Variants in LRRTM4 observed in about 807,000 individuals in gnomAD.
LRRTM4 encodes the protein leucine rich repeat transmembrane neuronal 4.
In LRRTM4, 25 loss-of-function variants were observed where a neutral mutation model predicts 47.6. The ratio of observed to expected loss-of-function variants is 0.53; its 90% confidence interval spans 0.38 to 0.73. LRRTM4 has a LOEUF of 0.73. Among genes scored for constraint, LRRTM4 ranks in the 30% least tolerant of loss-of-function variants. LRRTM4 has a pLI of 0.00. For missense variants in LRRTM4, 638 were observed against 713.4 expected (o/e 0.89, Z 1.20); for synonymous variants, 311 against 269.5 (o/e 1.15, Z -1.51).
At chr2:77,239,902 T>A (rs781010274) in intron 3 of LRRTM4, among the ~76,000 whole-genome samples, 1 of 151,884 alleles carries the variant, frequency 6.6e-6, no homozygotes, top group Non-Finnish European at 1.5e-5. Context: ...CATTATTTGT[T>A]ATTCACCTTA....
At chr2:77,050,127 T>C (rs1446373903) in intron 3 of LRRTM4, among the ~76,000 whole-genome samples, 1 of 138,878 alleles carries the variant, frequency 7.2e-6, no homozygotes, top group Non-Finnish European at 1.5e-5. Context: ...TAGAACCAAG[T>C]CTTTTTTTTT....
At chr2:76,848,342 C>CCAT (rs1297803811) in intron 3 of LRRTM4, among the ~76,000 whole-genome samples, 28 of 152,136 alleles carry the variant, frequency 1.8e-4, no homozygotes, top group African/African-American at 6.7e-4. Flanking sequence ...GCTTTATCTA[C>CCAT]CATCTGCAAA....
intron 3 of LRRTM4, among the ~76,000 whole-genome samples, chr2:77,338,562 A>G (rs1671249073): frequency 6.6e-6 from 1 of 152,114 alleles, no homozygotes; most frequent in African/African-American, 2.4e-5. Flanking sequence ...TACCAGTCAG[A>G]ATGGCTATTA....
At chr2:77,372,063 C>G (rs1376820319) in intron 3 of LRRTM4, among the ~76,000 whole-genome samples, 1 of 151,692 alleles carries the variant, frequency 6.6e-6, no homozygotes, top group East Asian at 1.9e-4. Context: ...ACTGTGCACA[C>G]AGTAGATTTG....
chr2:76,949,411 T>C (rs1380572712), intron 3 of LRRTM4, among the ~76,000 whole-genome samples: 1 of 151,910 alleles, frequency 6.6e-6, no homozygotes, highest in African/African-American at 2.4e-5. Flanking sequence ...CTCAATATAA[T>C]GCAAGGTAAA....
At chr2:76,776,154 T>C in intron 3 of LRRTM4, among the ~76,000 whole-genome samples, 1 of 152,216 alleles carries the variant, frequency 6.6e-6, no homozygotes, top group South Asian at 2.1e-4. Flanking sequence ...ATCCAGTCTA[T>C]CATTGTTGGA....
chr2:77,437,757 C>T (rs1036763832), intron 3 of LRRTM4, among the ~76,000 whole-genome samples: 5 of 151,908 alleles, frequency 3.3e-5, no homozygotes, highest in African/African-American at 1.2e-4. Context: ...TTTAAGATTG[C>T]CTTAGTTCCT....
At chr2:76,940,041 G>C (rs1675082449) in intron 3 of LRRTM4, among the ~76,000 whole-genome samples, 1 of 152,066 alleles carries the variant, frequency 6.6e-6, no homozygotes, top group Non-Finnish European at 1.5e-5. Context: ...ACTCTTGGTG[G>C]GGGTGTAAAT....
chr2:77,014,815 G>GA (rs1478411632), intron 3 of LRRTM4, among the ~76,000 whole-genome samples: 1 of 151,318 alleles, frequency 6.6e-6, no homozygotes, highest in Non-Finnish European at 1.5e-5. Flanking sequence ...CTGTCTCAAA[G>GA]AAAAAAAATT....
chr2:77,295,574 C>A (rs976961235), intron 3 of LRRTM4, among the ~76,000 whole-genome samples: 1 of 151,978 alleles, frequency 6.6e-6, no homozygotes, highest in African/African-American at 2.4e-5. Flanking sequence ...ATTGAGTGGC[C>A]TCAACAGCAG....
intron 3 of LRRTM4, among the ~76,000 whole-genome samples, chr2:77,496,859 T>A (rs1408703484): frequency 6.6e-6 from 1 of 151,760 alleles, no homozygotes; most frequent in African/African-American, 2.4e-5. Context: ...CTCTTCAACT[T>A]ATATAGAATT....
intron 3 of LRRTM4, among the ~76,000 whole-genome samples, chr2:76,857,192 C>T (rs1672178314): frequency 6.6e-6 from 1 of 151,130 alleles, no homozygotes. Context: ...AGGATGAAAA[C>T]CTTTATGATA....
At chr2:77,009,957 A>G (rs1381420359) in intron 3 of LRRTM4, among the ~76,000 whole-genome samples, 1 of 150,430 alleles carries the variant, frequency 6.6e-6, no homozygotes, top group Non-Finnish European at 1.5e-5. Flanking sequence ...AAATTTCATC[A>G]GGGCAGGACC....
At chr2:77,409,035 A>AGT (rs1313176760) in intron 3 of LRRTM4, among the ~76,000 whole-genome samples, 4 of 152,152 alleles carry the variant, frequency 2.6e-5, no homozygotes, top group African/African-American at 9.7e-5. Context: ...TTCCACTGAA[A>AGT]GTGTGTGTGT....
chr2:77,433,871 T>G (rs1051626058), intron 3 of LRRTM4, among the ~76,000 whole-genome samples: 9 of 152,142 alleles, frequency 5.9e-5, no homozygotes, highest in Non-Finnish European at 1.0e-4. Context: ...AGCAGAAGAA[T>G]TAATTCTGTT....
chr2:76,942,053 C>A (rs942200496), intron 3 of LRRTM4, among the ~76,000 whole-genome samples: 3 of 152,330 alleles, frequency 2.0e-5, no homozygotes, highest in African/African-American at 7.2e-5. Flanking sequence ...TTGCATTTCT[C>A]TAATGACCAG....
At chr2:77,300,872 T>C (rs1178262455) in intron 3 of LRRTM4, among the ~76,000 whole-genome samples, 2 of 152,146 alleles carry the variant, frequency 1.3e-5, no homozygotes, top group African/African-American at 4.8e-5. Context: ...CAATACATAC[T>C]AAGTAAAAGG....
chr2:77,315,850 T>C (rs1356682683), intron 3 of LRRTM4, among the ~76,000 whole-genome samples: 1 of 152,150 alleles, frequency 6.6e-6, no homozygotes, highest in Non-Finnish European at 1.5e-5. Context: ...TATGAGAGGG[T>C]AGAAGCCAAC....
intron 3 of LRRTM4, among the ~76,000 whole-genome samples, chr2:76,798,732 G>A (rs1231163718): frequency 2.0e-5 from 3 of 150,606 alleles, no homozygotes; most frequent in Non-Finnish European, 4.4e-5. Flanking sequence ...AAAGAGAGAA[G>A]AATCAAATAG....
Sources: allele counts gnomAD v4.1 joint callset (sites outside exome capture counted in the v4.1 genomes callset), GRCh38; gene constraint gnomAD v4.1.1; transcripts MANE v1.5; gene names NCBI Gene and HGNC (gene_info 2026-07-23, HGNC 2026-07-21).